Variants in GBF1 observed in about 807,000 individuals in gnomAD.
GBF1 encodes the protein golgi brefeldin A resistant guanine nucleotide exchange factor 1.
In GBF1, 114 loss-of-function variants were observed where a neutral mutation model predicts 210.5. The observed-to-expected ratio is 0.54, with a 90% confidence interval of 0.47 to 0.63. The LOEUF is 0.63. GBF1 is among the 30% of genes least tolerant of loss of function. The probability of loss-of-function intolerance (pLI) is 0.00; values close to 1 mark genes in which losing one functional copy is unlikely to be tolerated. For synonymous variants in GBF1, 850 were observed against 889.2 expected (o/e 0.96, Z 0.78); for missense variants, 1,851 against 2,357.7 (o/e 0.79, Z 4.45).
At chr10:102,337,301 G>C (rs4919630) in intron 3 of GBF1, among the ~76,000 whole-genome samples, 149,420 of 149,990 alleles carry the variant, frequency 1, 74,434 homozygotes, top group Middle Eastern at 1. Context: ...TGGTGCGTGG[G>C]GGAGCTTGCA....
At chr10:102,340,495 G>A (rs2058107464) in intron 3 of GBF1, among the ~76,000 whole-genome samples, 1 of 151,506 alleles carries the variant, frequency 6.6e-6, no homozygotes, top group Non-Finnish European at 1.5e-5. Context: ...GGATGGTCTC[G>A]ATCTCCTGAC....
In GBF1 at chr10:102,363,927, C is replaced by A. The variant is rs2059756668; in HGVS notation, c.2106+129C>A. On this transcript the variant is annotated intron_variant, in intron 17 of 39. Coordinates refer to ENST00000369983, the MANE Select transcript of GBF1 (RefSeq NM_001377137.1). The surrounding 1 kb of genome is among the most constrained non-coding windows in gnomAD (Gnocchi z 4.2). The stretch of plus-strand genomic sequence containing the variant: ...CAGCTTCCTGAGGCCAGTCTTTGGG[C>A]TTGTTGGGACTTCAGCAACTCCCAT... 1 of 612,300 alleles carries A rather than the reference C, an allele frequency of 1.6e-6. No homozygotes were observed. The highest frequency in any genetic ancestry group is 2.9e-6 in the Non-Finnish European group (1 of 345,632). The allele number at this position is 612,300 out of a possible 1,614,324, so 37.9% of individuals were successfully genotyped here.
At chr10:102,301,715 G>T (rs867369512) in intron 3 of GBF1, among the ~76,000 whole-genome samples, 25 of 146,854 alleles carry the variant, frequency 1.7e-4, no homozygotes, top group African/African-American at 2.8e-4. Context: ...TGGGCGGCTG[G>T]GCAGAGACGC....
In GBF1 at chr10:102,365,526, C is replaced by T. The variant is rs748525369; in HGVS notation, c.2236C>T (p.Arg746Trp). 6 of 1,614,158 alleles carry T rather than the reference C, an allele frequency of 3.7e-6. No individual in the cohort carries two copies. Among genetic ancestry groups the T allele is most frequent in the Non-Finnish European group, 3.4e-6 (4 of 1,180,018 alleles). ...TGCTCAGTGGCTCCGAGAGAACCCT[C>T]GGCTGGACAAGAAGATGATTGGAGA... ...EVAQWLRENP[R>W]LDKKMIGEFV... Residue 746 changes from arginine (R) to tryptophan (W), a missense_variant, in exon 18 of 40, where the codon CGG (arginine) becomes TGG (tryptophan). Arg to Trp is a moderately radical substitution (Grantham distance 101). Transcript: ENST00000369983.
At chr10:102,361,000 C>T in intron 12 of GBF1, 22 bp from the exon 13 acceptor site, 2 of 1,131,482 alleles carry the variant, frequency 1.8e-6, no homozygotes, top group Non-Finnish European at 2.7e-6. Flanking sequence ...AAACTCATGG[C>T]CTACCCTGCT....
At chr10:102,258,794 A>T in intron 1 of GBF1, 135 bp from the exon 2 acceptor site, 1 of 476,194 alleles carries the variant, frequency 2.1e-6, no homozygotes, top group Non-Finnish European at 3.9e-6. Context: ...AAAAAAAAAA[A>T]GAAAGAAAGA....
chr10:102,360,166 C>T lies in GBF1; in HGVS notation c.1181-18C>T. 6.4e-7 allele frequency: 1 copy of T among 1,553,014 alleles called. No individual in the cohort carries two copies. Among genetic ancestry groups the T allele is most frequent in the Non-Finnish European group, 8.9e-7 (1 of 1,124,372 alleles). On this transcript the variant is annotated intron_variant, in intron 11 of 39. Coordinates refer to ENST00000369983, the MANE Select transcript of GBF1 (RefSeq NM_001377137.1). ...AGTTGTTTTATAGCAGTCTCACTCT[C>T]CTCCTGGCCTTCCCCAGGCACAGCT...
the GBF1 span, among the ~76,000 whole-genome samples, chr10:102,238,211 T>TAGACACCCC: frequency 6.6e-6 from 1 of 152,170 alleles, no homozygotes; most frequent in Admixed American, 6.5e-5. Flanking sequence ...ATGGACACCC[T>TAGACACCCC]AGACACCCCA....
At chr10:102,362,247 G>A (rs372921052) in intron 14 of GBF1, among the ~76,000 whole-genome samples, 40 of 151,406 alleles carry the variant, frequency 2.6e-4, no homozygotes, top group African/African-American at 9.7e-4. Flanking sequence ...TAGCAGAGAC[G>A]GGGTTTCACC....
intron 3 of GBF1, among the ~76,000 whole-genome samples, chr10:102,342,716 G>A (rs1182820752): frequency 6.6e-6 from 1 of 151,994 alleles, no homozygotes; most frequent in Non-Finnish European, 1.5e-5. Flanking sequence ...CTAAAGGTGG[G>A]GCAGCCTAGA....
Position 102,382,042 on chromosome 10 carries a change from T to A in GBF1, c.5303-14T>A, listed in dbSNP as rs1416202148. Reference sequence around the variant, plus strand: ...CAAGGGAATCTGACTGTAACCACCTTGCTTTCCCTACAGACTTTGAGAAGC... The same window carrying A: ...CAAGGGAATCTGACTGTAACCACCTAGCTTTCCCTACAGACTTTGAGAAGC... On this transcript the variant is annotated splice_polypyrimidine_tract_variant and intron_variant, in intron 39 of 39. Coordinates refer to ENST00000369983, the MANE Select transcript of GBF1 (RefSeq NM_001377137.1). The A allele has an allele frequency of 6.6e-7, 1 of 1,524,126 alleles. No individual in the cohort carries two copies. Among genetic ancestry groups the A allele is most frequent in the East Asian group, 2.3e-5 (1 of 43,994 alleles). The allele number at this position is 1,524,126 out of a possible 1,614,324, so 94.4% of individuals were successfully genotyped here. A position where few individuals can be genotyped will look rare whatever the true frequency, so the allele number is the denominator to read the frequency against.
rs531631806 is a variant in GBF1, at chr10:102,351,086, C to CAAA, written c.296-154_296-152dup. On this transcript the variant is annotated intron_variant, in intron 4 of 39. Transcript: ENST00000369983. ...TGGGCCACAAAGTGAGACTCTGTCT[C>CAAA]AAAAAAAAAAAAAAAAAATCAGTTG... Among the ~76,000 whole-genome samples the CAAA allele has an allele frequency of 2.0e-3, 162 of 81,350 alleles. 1 individual carries two copies. Among genetic ancestry groups the CAAA allele is most frequent in the African/African-American group, 6.6e-3 (159 of 23,984 alleles). The allele number at this position is 81,350 out of a possible 152,430, so 53.4% of individuals were successfully genotyped here.
chr10:102,245,955 G>C (rs1393149827), intron 1 of GBF1, among the ~76,000 whole-genome samples, 174 bp downstream of exon 1: 1 of 152,158 alleles, frequency 6.6e-6, no homozygotes, highest in Non-Finnish European at 1.5e-5. Context: ...AGGTATGCAG[G>C]GGCAAAGGTC....
At chr10:102,280,669 T>G (rs1295609438) in intron 3 of GBF1, among the ~76,000 whole-genome samples, 1 of 152,192 alleles carries the variant, frequency 6.6e-6, no homozygotes, top group African/African-American at 2.4e-5. Context: ...GGAGTAATAC[T>G]GTCCATATTT....
chr10:102,310,927 G>A (rs141202294), intron 3 of GBF1, among the ~76,000 whole-genome samples: 3 of 152,330 alleles, frequency 2.0e-5, no homozygotes, highest in East Asian at 3.9e-4. Flanking sequence ...GATGCATCCC[G>A]CTGGATGGCC....
intron 3 of GBF1, among the ~76,000 whole-genome samples, chr10:102,337,970 CT>C (rs2057885399): frequency 6.6e-6 from 1 of 152,312 alleles, no homozygotes; most frequent in Non-Finnish European, 1.5e-5. Flanking sequence ...TTCTCTTATG[CT>C]CCTGGCAATC....
intron 33 of GBF1, among the ~76,000 whole-genome samples, chr10:102,378,576 G>A (rs1173012137): frequency 1.3e-5 from 2 of 152,212 alleles, no homozygotes; most frequent in South Asian, 2.1e-4. Context: ...AGATCCAGGA[G>A]GCAGTGAGCC....
At chr10:102,267,865 T>C (rs1427947057) in intron 3 of GBF1, among the ~76,000 whole-genome samples, 2 of 152,240 alleles carry the variant, frequency 1.3e-5, no homozygotes, top group African/African-American at 4.8e-5. Flanking sequence ...AATATAAAAC[T>C]ATAGTTGAGT....
At chr10:102,306,980 A>G (rs1163508629) in intron 3 of GBF1, among the ~76,000 whole-genome samples, 1 of 152,212 alleles carries the variant, frequency 6.6e-6, no homozygotes, top group Admixed American at 6.5e-5. Flanking sequence ...ATGACCATGG[A>G]AAGCCAGCCA....
Sources: gnomAD v4.1 joint callset for allele counts (sites outside exome capture counted in the v4.1 genomes callset) on GRCh38, gnomAD v4.1.1 for gene constraint, Gnocchi (gnomAD v3.1) non-coding constraint, MANE v1.5 for transcripts, NCBI Gene and HGNC (gene_info 2026-07-23, HGNC 2026-07-21) for gene names.